DIAPH2: variants seen among roughly 807,000 people sequenced by gnomAD.
The protein encoded by DIAPH2 is diaphanous related formin 2.
In DIAPH2, 35 loss-of-function variants were observed where a neutral mutation model predicts 92.7. The observed-to-expected ratio is 0.38, with a 90% CI of 0.29 to 0.50. DIAPH2 has a LOEUF of 0.50. Among genes scored for constraint, DIAPH2 ranks in the 20% least tolerant of loss-of-function variants. The pLI is 0.94. For missense variants in DIAPH2, 701 were observed against 819.5 expected (o/e 0.86, Z 1.77); for synonymous variants, 301 against 280.4 (o/e 1.07, Z -0.73).
At chrX:97,424,287 C>T (rs942999428) in intron 25 of DIAPH2, among the ~76,000 whole-genome samples, 8 of 110,937 alleles carry the variant, frequency 7.2e-5, no homozygotes, top group African/African-American at 2.6e-4. Context: ...TTTAGCAGAA[C>T]TATTTGGCAT....
intron 2 of DIAPH2, among the ~76,000 whole-genome samples, chrX:96,737,419 T>C (rs1352143347): frequency 8.9e-6 from 1 of 112,126 alleles, no homozygotes. Flanking sequence ...TCTGTGATGC[T>C]CTTTGTATTG....
At chrX:97,251,854 G>A (rs2068191895) in intron 23 of DIAPH2, among the ~76,000 whole-genome samples, 1 of 111,705 alleles carries the variant, frequency 9.0e-6, no homozygotes, top group African/African-American at 3.2e-5. Context: ...TACGAAGGAG[G>A]GAGGGATAAG....
chrX:97,035,125 T>C (rs906265120), intron 17 of DIAPH2, among the ~76,000 whole-genome samples: 1 of 111,864 alleles, frequency 8.9e-6, no homozygotes, highest in Non-Finnish European at 1.9e-5. Flanking sequence ...AGTGATGCAG[T>C]GCTCAAATGA....
intron 17 of DIAPH2, among the ~76,000 whole-genome samples, chrX:97,029,146 C>CT (rs34551722): frequency 0.022 from 2,005 of 92,667 alleles, 103 homozygotes; most frequent in Admixed American, 0.13. Context: ...TTTTCTTTTT[C>CT]TTTTTTTTTT....
At chrX:97,249,346 A>G (rs1276376820) in intron 23 of DIAPH2, among the ~76,000 whole-genome samples, 1 of 111,906 alleles carries the variant, frequency 8.9e-6, no homozygotes, top group Non-Finnish European at 1.9e-5. Flanking sequence ...TAAGCACTTT[A>G]AAATGAAAAT....
intron 5 of DIAPH2, among the ~76,000 whole-genome samples, chrX:96,909,367 A>G (rs914076381): frequency 9.1e-6 from 1 of 110,389 alleles, no homozygotes; most frequent in East Asian, 2.8e-4. Flanking sequence ...CTCTATGTAT[A>G]TGAGAAAGGG....
At chrX:96,689,248 T>A (rs1315709321) in intron 1 of DIAPH2, among the ~76,000 whole-genome samples, 3 of 100,274 alleles carry the variant, frequency 3.0e-5, no homozygotes, top group African/African-American at 1.1e-4. Context: ...AGAGACGGGG[T>A]CCGGATCATG....
intron 4 of DIAPH2, among the ~76,000 whole-genome samples, chrX:96,773,242 C>G (rs997526478): frequency 4.6e-5 from 4 of 86,162 alleles, no homozygotes; most frequent in Non-Finnish European, 6.9e-5. Flanking sequence ...TTGTTTCCCC[C>G]CCCCTCCCGC....
intron 21 of DIAPH2, among the ~76,000 whole-genome samples, chrX:97,139,995 G>A (rs2067199415): frequency 9.3e-6 from 1 of 107,766 alleles, no homozygotes; most frequent in Admixed American, 1.0e-4. Flanking sequence ...AACTAGGTGG[G>A]TTTTTGTTGT....
intron 4 of DIAPH2, among the ~76,000 whole-genome samples, chrX:96,814,002 T>C (rs1237661882): frequency 9.0e-6 from 1 of 111,092 alleles, no homozygotes. Flanking sequence ...ATTATGTGTC[T>C]TGGGGTTGCT....
chrX:97,338,517 A>G (rs773056434), intron 23 of DIAPH2, among the ~76,000 whole-genome samples: 1 of 112,261 alleles, frequency 8.9e-6, no homozygotes, highest in East Asian at 2.8e-4. Context: ...AATAGATTGT[A>G]TATTTGTGAC....
At chrX:97,451,001 C>T (rs772242680) in intron 26 of DIAPH2, among the ~76,000 whole-genome samples, 2 of 109,556 alleles carry the variant, frequency 1.8e-5, no homozygotes, top group African/African-American at 6.6e-5. Context: ...CAAGTTTTGA[C>T]GTTGAAACTT....
chrX:97,119,935 A>C (rs1449002549), intron 21 of DIAPH2, among the ~76,000 whole-genome samples: 5 of 111,744 alleles, frequency 4.5e-5, no homozygotes, highest in Admixed American at 9.4e-5. Context: ...GGCAGTGGGC[A>C]AACAGGGCTG....
rs771700804 is a variant in DIAPH2, at chrX:97,243,764, G to C, written c.2720-3951G>C. On this transcript the variant is annotated intron_variant, in intron 22 of 26. Transcript: ENST00000324765. Reference sequence around the variant, plus strand: ...ATTGTTAGGCAGATTTCAAGTCCCTGCTCTCTTTCTCTACTTATATAATAA... The same window carrying C: ...ATTGTTAGGCAGATTTCAAGTCCCTCCTCTCTTTCTCTACTTATATAATAA... 2.7e-5 allele frequency among the ~76,000 whole-genome samples: 3 copies of C among 111,427 alleles called. No homozygotes were observed. The East Asian group carries it at 8.4e-4, about 31-fold the overall frequency.
intron 1 of DIAPH2, among the ~76,000 whole-genome samples, chrX:96,707,295 A>T (rs1396327779): frequency 9.2e-6 from 1 of 108,361 alleles, no homozygotes; most frequent in Non-Finnish European, 1.9e-5. Flanking sequence ...CAGTCTCCCA[A>T]GTAGCTGGGA....
chrX:97,069,970 T>C (rs2066658232), intron 17 of DIAPH2, among the ~76,000 whole-genome samples: 1 of 111,553 alleles, frequency 9.0e-6, no homozygotes, highest in Admixed American at 9.6e-5. Flanking sequence ...CAATTGCTTG[T>C]AAAAATCCAT....
chrX:97,001,408 G>T (rs1311119024), intron 17 of DIAPH2, among the ~76,000 whole-genome samples: 1 of 112,068 alleles, frequency 8.9e-6, no homozygotes, highest in East Asian at 2.8e-4. Context: ...ACTTTGGGAG[G>T]CCAAGGCGGG....
intron 26 of DIAPH2, among the ~76,000 whole-genome samples, chrX:97,560,391 G>T (rs1036249437): frequency 8.9e-6 from 1 of 112,223 alleles, no homozygotes; most frequent in Non-Finnish European, 1.9e-5. Flanking sequence ...GGCTACTACC[G>T]TATACCCCTC....
intron 19 of DIAPH2, among the ~76,000 whole-genome samples, chrX:97,077,728 C>T (rs942112528): frequency 8.9e-6 from 1 of 111,967 alleles, no homozygotes; most frequent in African/African-American, 3.2e-5. Flanking sequence ...TCAGCAAGAT[C>T]CAGCTCTAAG....
Sources: gnomAD v4.1 joint callset for allele counts (sites outside exome capture counted in the v4.1 genomes callset) on GRCh38, gnomAD v4.1.1 for gene constraint, MANE v1.5 for transcripts, NCBI Gene and HGNC (gene_info 2026-07-23, HGNC 2026-07-21) for gene names.